The following RBFOX3 variants were observed in gnomAD, a reference collection of about 807,000 sequenced individuals.
RBFOX3 encodes the protein RNA binding fox-1 homolog 3.
A neutral mutation model predicts 48.7 loss-of-function variants in RBFOX3; 17 were observed. The ratio of observed to expected loss-of-function variants is 0.35; its 90% confidence interval spans 0.24 to 0.52. RBFOX3 has a LOEUF of 0.52. RBFOX3 is among the 20% of genes least tolerant of loss of function. RBFOX3 has a pLI of 0.94. For synonymous variants in RBFOX3, 212 were observed against 209.5 expected, an observed-to-expected ratio of 1.01 and a Z score of -0.10; for missense variants, 382 against 497.5, an observed-to-expected ratio of 0.77 and a Z score of 2.21.
intron 8 of RBFOX3, 64 bp from the exon 9 acceptor site, chr17:79,101,708 C>T: frequency 2.1e-6 from 3 of 1,403,672 alleles, no homozygotes; most frequent in South Asian, 1.2e-5. Flanking sequence ...ACCCACTGGC[C>T]ACTCCTCCCC....
intron 1 of RBFOX3, among the ~76,000 whole-genome samples, chr17:79,563,989 C>T (rs2092356686): frequency 6.6e-6 from 1 of 152,178 alleles, no homozygotes; most frequent in Non-Finnish European, 1.5e-5. Context: ...GTACCCTATG[C>T]CAGGCTGAGT....
intron 2 of RBFOX3, among the ~76,000 whole-genome samples, chr17:79,367,784 G>C (rs903912011): frequency 2.6e-5 from 4 of 152,106 alleles, no homozygotes; most frequent in African/African-American, 7.2e-5. Context: ...TGGCAGCCAA[G>C]GTATGTGACA....
At chr17:79,584,056 C>T (rs1306467412) in intron 1 of RBFOX3, among the ~76,000 whole-genome samples, 7 of 152,064 alleles carry the variant, frequency 4.6e-5, no homozygotes, top group East Asian at 1.9e-4. Flanking sequence ...GGCAGGGGCA[C>T]GGATCACAAA....
At chr17:79,342,241 C>T (rs867572310) in intron 2 of RBFOX3, among the ~76,000 whole-genome samples, 1 of 152,254 alleles carries the variant, frequency 6.6e-6, no homozygotes, top group Non-Finnish European at 1.5e-5. Flanking sequence ...TTAGACTTTG[C>T]GGCTTGTCAG....
At chr17:79,627,763 G>A in the RBFOX3 span, among the ~76,000 whole-genome samples, 2 of 151,860 alleles carry the variant, frequency 1.3e-5, no homozygotes, top group Non-Finnish European at 2.9e-5. Context: ...TGGGCAGCTC[G>A]TTTTTTCCAA....
At chr17:79,556,387 C>T (rs980250701) in intron 1 of RBFOX3, among the ~76,000 whole-genome samples, 99 of 152,218 alleles carry the variant, frequency 6.5e-4, no homozygotes, top group South Asian at 1.5e-3. Context: ...GCCCGTGTGG[C>T]TCCGTAAAGC....
At chr17:79,472,066 C>T (rs1315411378) in intron 2 of RBFOX3, among the ~76,000 whole-genome samples, 2 of 152,290 alleles carry the variant, frequency 1.3e-5, no homozygotes, top group East Asian at 1.9e-4. Flanking sequence ...TGACGACGAC[C>T]GCCCAGCTGC....
intron 3 of RBFOX3, among the ~76,000 whole-genome samples, chr17:79,241,621 A>T (rs557403119): frequency 1.9e-4 from 29 of 152,262 alleles, no homozygotes; most frequent in Admixed American, 1.6e-3. Flanking sequence ...GACTGTCTGA[A>T]GCAGGGAGAT....
At chr17:79,367,417 C>T (rs1303958830) in intron 2 of RBFOX3, among the ~76,000 whole-genome samples, 1 of 151,606 alleles carries the variant, frequency 6.6e-6, no homozygotes, top group Non-Finnish European at 1.5e-5. Context: ...CGACCTTCTC[C>T]CACTGCTTGA....
intron 2 of RBFOX3, among the ~76,000 whole-genome samples, chr17:79,409,064 C>T (rs2063924723): frequency 6.6e-6 from 1 of 152,190 alleles, no homozygotes; most frequent in African/African-American, 2.4e-5. Flanking sequence ...TTTACCTACC[C>T]TGGGTATTTC....
At chr17:79,131,782 T>A (rs1423133950) in intron 4 of RBFOX3, among the ~76,000 whole-genome samples, 3 of 152,196 alleles carry the variant, frequency 2.0e-5, no homozygotes, top group African/African-American at 4.8e-5. Flanking sequence ...GGGGCCTCCC[T>A]GCTCTGATGG....
intron 2 of RBFOX3, among the ~76,000 whole-genome samples, chr17:79,387,960 ATG>A (rs2060799642): frequency 1.3e-5 from 2 of 151,874 alleles, no homozygotes; most frequent in South Asian, 2.1e-4. Context: ...ATGTACATGC[ATG>A]TGTGAACGTG....
chr17:79,289,594 C>T (rs1398327735), intron 3 of RBFOX3, among the ~76,000 whole-genome samples: 2 of 152,236 alleles, frequency 1.3e-5, no homozygotes, highest in African/African-American at 2.4e-5. Context: ...TTTCCAGACA[C>T]GATGTTAACT....
the RBFOX3 span, among the ~76,000 whole-genome samples, chr17:79,660,195 A>T: frequency 1.5e-4 from 23 of 152,324 alleles, no homozygotes; most frequent in East Asian, 4.4e-3. Flanking sequence ...TAAAATAAAA[A>T]AAATCAAAAA....
At chr17:79,131,143 G>A (rs1252755752) in intron 4 of RBFOX3, among the ~76,000 whole-genome samples, 1 of 151,312 alleles carries the variant, frequency 6.6e-6, no homozygotes, top group African/African-American at 2.4e-5. Flanking sequence ...TGACCCGTGT[G>A]CTTGTGTGTA....
rs910966931 is a variant in RBFOX3 at position 79,311,741 on chromosome 17, C to T, written c.-174-3917G>A. Among the ~76,000 whole-genome samples, 53 of 152,208 alleles carry T rather than the reference C, an allele frequency of 3.5e-4. No homozygotes were observed. The highest frequency in any genetic ancestry group is 1.2e-3 in the African/African-American group (51 of 41,446). ...GAACCAGACATCCCACCTCCCCATGCTCTGCCCAGCATGCAGTTCTGGCTG... is the reference window on the plus strand; with the variant it reads ...GAACCAGACATCCCACCTCCCCATGTTCTGCCCAGCATGCAGTTCTGGCTG... On this transcript the variant is annotated intron_variant, in intron 2 of 14. Transcript: ENST00000693108. The surrounding 1 kb of genome is among the most constrained non-coding windows in gnomAD (Gnocchi z 4.2).
intron 1 of RBFOX3, among the ~76,000 whole-genome samples, chr17:79,521,130 C>G (rs1323196907): frequency 1.3e-5 from 2 of 152,140 alleles, no homozygotes; most frequent in Non-Finnish European, 2.9e-5. Context: ...CAGGTAAAGC[C>G]AGGCACCTGC....
rs1568388046 is a variant in RBFOX3 at position 79,535,508 on chromosome 17, C to T, written c.-319-52910G>A. On this transcript the variant is annotated intron_variant, in intron 1 of 14. Transcript: ENST00000693108. This position sits in a 1 kb window ranked among gnomAD's most constrained non-coding sequence, Gnocchi z 4.5. ...TCTCCCCTGTTACCCAAGTGAGTCA[C>T]CCCAAACGAATGAGGCCCTCAGATG... Among the ~76,000 whole-genome samples, 1 of 152,146 alleles carries T rather than the reference C, an allele frequency of 6.6e-6. No homozygotes were observed. The highest frequency in any genetic ancestry group is 6.5e-5 in the Admixed American group (1 of 15,278).
chr17:79,605,820 G>A (rs901400177), intron 1 of RBFOX3, among the ~76,000 whole-genome samples: 14 of 152,156 alleles, frequency 9.2e-5, no homozygotes, highest in African/African-American at 3.4e-4. Flanking sequence ...TCAAGTTGAC[G>A]CCAGCAAGTT....
Sources: gnomAD v4.1 joint callset for allele counts (sites outside exome capture counted in the v4.1 genomes callset) on GRCh38, gnomAD v4.1.1 for gene constraint, Gnocchi (gnomAD v3.1) non-coding constraint, MANE v1.5 for transcripts, NCBI Gene and HGNC (gene_info 2026-07-23, HGNC 2026-07-21) for gene names.